Variants in RFC1 observed in about 807,000 individuals in gnomAD.
RFC1 encodes the protein replication factor C subunit 1.
Under a neutral mutation model 137.4 loss-of-function variants are expected in RFC1, and 37 were observed. The observed-to-expected ratio is 0.27, with a 90% CI of 0.21 to 0.35. The LOEUF (loss-of-function observed/expected upper bound fraction) is 0.35, where lower values mean the gene tolerates loss of function less well. Among genes scored for constraint, RFC1 ranks in the 10% least tolerant of loss-of-function variants. RFC1 has a pLI of 1.00. For synonymous variants in RFC1, 429 were observed against 455.7 expected, an observed-to-expected ratio of 0.94 and a Z score of 0.75; for missense variants, 1,205 against 1,358.5, an observed-to-expected ratio of 0.89 and a Z score of 1.78.
Position 39,308,624 on chromosome 4 carries a change from T to G in RFC1, c.1885+12A>C, listed in dbSNP as rs1379387653. ...TACACACACACAAAAATGAGTGAGG[T>G]TGTAAAATCACCGTGTTTTTTATCT... On this transcript the variant is annotated intron_variant, in intron 13 of 24. Transcript: ENST00000349703. 6.2e-7 allele frequency: 1 copy of G among 1,603,130 alleles called. No individual in the cohort carries two copies. The highest frequency in any genetic ancestry group is 1.1e-5 in the South Asian group (1 of 89,936).
chr4:39,302,565 C>T lies in RFC1; in HGVS notation c.2371G>A (p.Gly791Ser). 2 of 1,611,486 alleles carry T rather than the reference C, an allele frequency of 1.2e-6. No homozygotes were observed. Among genetic ancestry groups the T allele is most frequent in the Non-Finnish European group, 1.7e-6 (2 of 1,178,312 alleles). ...GAMMSIAFKE[G>S]LKIPPPAMNE... ...ATAGCTGGAGGGGGAATCTTTAAAC[C>T]TTCTTTAAATGCAATAGACATCATA... Residue 791 changes from glycine to serine, a missense_variant, in exon 18 of 25, where the codon GGT becomes AGT. Coordinates refer to ENST00000349703, the MANE Select transcript of RFC1 (RefSeq NM_002913.5).
At chr4:39,306,454 T>G (rs1440564572) in intron 14 of RFC1, 138 bp downstream of exon 14, 3 of 562,048 alleles carry the variant, frequency 5.3e-6, no homozygotes, top group Non-Finnish European at 9.6e-6. Context: ...AAAGGTTTTA[T>G]CTTAGAAAAA....
Position 39,300,360 on chromosome 4 carries a change from T to C in RFC1, c.2590A>G (p.Met864Val), listed in dbSNP as rs374383197. ...VFAAGEETAH[M>V]SLVDKSDLFF... ...AGATCTGACTTGTCCACAAGTGACA[T>C]GTGAGCAGTCTCCTCTCCAGCTGCA... The change falls in exon 20 of 25, where the codon ATG (methionine) becomes GTG (valine). Residue 864 changes from methionine to valine, a missense_variant. By Grantham distance (21) the Met-to-Val change is conservative. Around this residue, in one of 3 missense-constraint regions of RFC1, gnomAD observed 962 missense variants for 1,035.3 expected, o/e 0.93. Transcript: ENST00000349703. 38 of 1,613,938 alleles carry C rather than the reference T, an allele frequency of 2.4e-5. No individual in the cohort carries two copies. Among genetic ancestry groups the C allele is most frequent in the Non-Finnish European group, 3.1e-5 (37 of 1,179,902 alleles).
chr4:39,290,371 TAA>T (rs11343926), intron 23 of RFC1, among the ~76,000 whole-genome samples: 260 of 142,434 alleles, frequency 1.8e-3, no homozygotes, highest in Middle Eastern at 7.1e-3. Flanking sequence ...AGATTCTGTC[TAA>T]AAAAAAAAAA....
intron 10 of RFC1, among the ~76,000 whole-genome samples, chr4:39,315,328 T>C (rs146751077): frequency 4.1e-4 from 63 of 152,378 alleles, no homozygotes; most frequent in African/African-American, 1.4e-3. Flanking sequence ...ATCCCACGCT[T>C]ATCAAACTTC....
At chr4:39,328,863 C>T (rs566900088) in intron 4 of RFC1, among the ~76,000 whole-genome samples, 2 of 152,064 alleles carry the variant, frequency 1.3e-5, no homozygotes, top group East Asian at 1.9e-4. Flanking sequence ...AGATGAGATA[C>T]GGAAGGCTTG....
intron 3 of RFC1, among the ~76,000 whole-genome samples, chr4:39,343,931 G>T (rs1740726219): frequency 6.6e-6 from 1 of 151,964 alleles, no homozygotes; most frequent in Non-Finnish European, 1.5e-5. Context: ...TGGCCAACAT[G>T]GTGAAACCCC....
At chr4:39,346,404 G>T (rs1038605379) in intron 2 of RFC1, among the ~76,000 whole-genome samples, 2 of 151,864 alleles carry the variant, frequency 1.3e-5, no homozygotes, top group African/African-American at 4.8e-5. Context: ...TGAACCTGGG[G>T]GGCAGAGGTT....
intron 21 of RFC1, among the ~76,000 whole-genome samples, chr4:39,299,784 G>A (rs189444732): frequency 5.9e-5 from 9 of 151,912 alleles, no homozygotes; most frequent in East Asian, 3.9e-4. Flanking sequence ...GTATGGTGGC[G>A]GGCACCTGTA....
chr4:39,311,525 T>C lies in RFC1; in HGVS notation c.1408A>G (p.Ile470Val). 6.2e-7 allele frequency: 1 copy of C among 1,614,066 alleles called. No individual in the cohort carries two copies. The highest frequency in any genetic ancestry group is 8.5e-7 in the Non-Finnish European group (1 of 1,179,990). ...AGATTCAACAGGCCATCTTCATCAA[T>C]AATTTTTGTCCCCAAGGCTGCGGCC... ...DKAAALGTKI[I>V]DEDGLLNLIR... is the part of the protein sequence containing the mutation. Residue 470 changes from isoleucine to valine, a missense_variant, in exon 12 of 25, where the codon ATT (isoleucine) becomes GTT (valine). This residue lies in a region of RFC1 where 962 missense variants were observed against 1,035.3 expected (regional missense o/e 0.93). Transcript: ENST00000349703.
At position 39,288,775 on chromosome 4, in the gene RFC1, TTTTTCC is replaced by T. The variant is rs762581020; in HGVS notation, c.3424_3429del (p.Gly1142_Lys1143del). ...GAAAAATGGTTTCATTTCTTCGAAC[TTTTTCC>T]TTTTCCTTTTCTGGGCTCCTTATCT... On this transcript the variant is annotated inframe_deletion, in exon 25 of 25. Coordinates refer to ENST00000349703, the MANE Select transcript of RFC1 (RefSeq NM_002913.5). 3.1e-6 allele frequency: 5 copies of T among 1,609,436 alleles called. No individual in the cohort carries two copies. The highest frequency in any genetic ancestry group is 4.2e-6 in the Non-Finnish European group (5 of 1,176,488).
At chr4:39,341,635 G>C (rs778710427) in intron 4 of RFC1, 18 of 456,040 alleles carry the variant, frequency 3.9e-5, no homozygotes, top group Middle Eastern at 3.2e-4. Flanking sequence ...TTCACGTACA[G>C]CATCCCGTAT....
At chr4:39,349,287 T>G (rs1741064911) in intron 2 of RFC1, among the ~76,000 whole-genome samples, 1 of 152,192 alleles carries the variant, frequency 6.6e-6, no homozygotes, top group South Asian at 2.1e-4. Context: ...GTCCCCAAAA[T>G]TCACACGTTG....
Position 39,306,716 on chromosome 4 carries a change from G to A in RFC1, c.1886-15C>T, listed in dbSNP as rs1738685895. ...ACCAAACTTTGCTGCTAGGAAAAAA[G>A]AAGTTCCAGAGTGTCAACCTATATC... is the stretch of plus-strand genomic sequence containing the variant. On this transcript the variant is annotated splice_polypyrimidine_tract_variant and intron_variant, in intron 13 of 24. Transcript: ENST00000349703. 1 of 1,515,826 alleles carries A rather than the reference G, an allele frequency of 6.6e-7. No homozygotes were observed. The highest frequency in any genetic ancestry group is 9.2e-7 in the Non-Finnish European group (1 of 1,090,716). 93.9% of individuals were successfully genotyped at this position (1,515,826 alleles called of 1,614,324 possible). A position where few individuals can be genotyped will look rare whatever the true frequency, so the allele number is the denominator to read the frequency against.
In RFC1 at chr4:39,300,004, G is replaced by GT; in HGVS notation, c.2808+16_2808+17insA. 1 of 1,464,272 alleles carries GT rather than the reference G, an allele frequency of 6.8e-7. No homozygotes were observed. The highest frequency in any genetic ancestry group is 1.4e-5 in the African/African-American group (1 of 72,260). 90.7% of individuals were successfully genotyped at this position (1,464,272 alleles called of 1,614,324 possible). On this transcript the variant is annotated intron_variant, in intron 21 of 24. Transcript: ENST00000349703. Reference sequence around the variant, plus strand: ...GTAAAAGCAGAGCCTGCATGTTAGGGAGAGCCCTCTGCTCACCTGCGCAGG... The same window carrying GT: ...GTAAAAGCAGAGCCTGCATGTTAGGGTAGAGCCCTCTGCTCACCTGCGCAGG...
At chr4:39,339,427 A>G (rs1037973117) in intron 4 of RFC1, among the ~76,000 whole-genome samples, 15 of 152,186 alleles carry the variant, frequency 9.9e-5, no homozygotes, top group African/African-American at 3.4e-4. Flanking sequence ...ACTCTTTGAT[A>G]ATAGCCATCC....
chr4:39,325,681 C>T (rs1739728377), intron 6 of RFC1, among the ~76,000 whole-genome samples: 2 of 152,180 alleles, frequency 1.3e-5, no homozygotes, highest in Non-Finnish European at 1.5e-5. Context: ...CCACACCCAG[C>T]CTCATCTGTG....
chr4:39,362,985 A>T (rs1741834013), intron 1 of RFC1, among the ~76,000 whole-genome samples: 1 of 152,236 alleles, frequency 6.6e-6, no homozygotes, highest in African/African-American at 2.4e-5. Context: ...CCACATAGTA[A>T]ACCATGATGT....
At chr4:39,346,476 CAAA>C (rs79505335) in intron 2 of RFC1, among the ~76,000 whole-genome samples, 1 of 86,616 alleles carries the variant, frequency 1.2e-5, no homozygotes. Context: ...AATTCCGTCT[CAAA>C]AAAAAAAAAA....
Sources: allele counts gnomAD v4.1 joint callset (sites outside exome capture counted in the v4.1 genomes callset), GRCh38; gene constraint gnomAD v4.1.1; regional missense constraint gnomAD v4.1.1; transcripts MANE v1.5; gene names NCBI Gene and HGNC (gene_info 2026-07-23, HGNC 2026-07-21).